CHRNA6: variants seen among roughly 807,000 people sequenced by gnomAD.
CHRNA6 encodes the protein cholinergic receptor nicotinic alpha 6 subunit, also known as neuronal acetylcholine receptor subunit alpha-6.
Under a neutral mutation model 40.9 loss-of-function variants are expected in CHRNA6, and 31 were observed. The ratio of observed to expected loss-of-function variants is 0.76; its 90% CI spans 0.57 to 1.02. The LOEUF (loss-of-function observed/expected upper bound fraction) is 1.02. Ranked by LOEUF, CHRNA6 falls within the 50% of genes least tolerant of loss-of-function variation. The probability of loss-of-function intolerance (pLI) is 0.00; values close to 1 mark genes in which losing one functional copy is unlikely to be tolerated. For synonymous variants in CHRNA6, 222 were observed against 221.3 expected (o/e 1.00, Z -0.03); for missense variants, 546 against 596.6 (o/e 0.92, Z 0.88).
chr8:42,765,328 A>G (rs771370935), intron 1 of CHRNA6, 124 bp from the exon 2 acceptor site: 30 of 1,030,078 alleles, frequency 2.9e-5, no homozygotes, highest in Non-Finnish European at 4.3e-5. Flanking sequence ...GCATCCTGGT[A>G]TTGTTACCAC....
Position 42,768,768 on chromosome 8 carries a change from G to C in CHRNA6, c.-338C>G, listed in dbSNP as rs1034405693. The C allele has an allele frequency of 1.9e-5, 4 of 211,978 alleles. No homozygotes were observed. Among genetic ancestry groups the C allele is most frequent in the Admixed American group, 5.4e-5 (1 of 18,616 alleles). The allele number at this position is 211,978 out of a possible 1,614,324, so 13.1% of individuals were successfully genotyped here. ...GGACCCCGGGAGGATGAACACCTGTGAGTGGCTGAGATCTTTCTGTGGTGC... is the reference window on the plus strand; with the variant it reads ...GGACCCCGGGAGGATGAACACCTGTCAGTGGCTGAGATCTTTCTGTGGTGC... On this transcript the variant is annotated 5_prime_UTR_variant, in exon 1 of 6. Coordinates refer to ENST00000276410, the MANE Select transcript of CHRNA6 (RefSeq NM_004198.3).
At chr8:42,757,143 G>T in intron 3 of CHRNA6, 106 bp from the exon 4 acceptor site, 1 of 749,428 alleles carries the variant, frequency 1.3e-6, no homozygotes, top group Non-Finnish European at 2.2e-6. Context: ...AGGCAGGCAG[G>T]TCACTTGAGG....
At chr8:42,761,168 C>G (rs1457120162) in intron 2 of CHRNA6, among the ~76,000 whole-genome samples, 1 of 152,170 alleles carries the variant, frequency 6.6e-6, no homozygotes, top group Admixed American at 6.5e-5. Flanking sequence ...TTCAAATGGG[C>G]CTGTGACAAG....
Position 42,756,842 on chromosome 8 carries a change from C to T in CHRNA6, c.375-18G>A, listed in dbSNP as rs1282325352. 4 of 1,606,672 alleles carry T rather than the reference C, an allele frequency of 2.5e-6. No homozygotes were observed. In the African/African-American group the frequency reaches 5.4e-5, roughly 22 times the overall value. On this transcript the variant is annotated intron_variant, in intron 4 of 5. Transcript: ENST00000276410. Reference sequence around the variant, plus strand: ...CAACAGCACTGCAAAGCAAGTCAGACACCATTAGTAACACTCCCTTTGCTA... The same window carrying T: ...CAACAGCACTGCAAAGCAAGTCAGATACCATTAGTAACACTCCCTTTGCTA...
chr8:42,753,044 C>T lies in CHRNA6; in HGVS notation c.*135G>A. The T allele has an allele frequency of 2.7e-6, 2 of 748,748 alleles. No homozygotes were observed. Among genetic ancestry groups the T allele is most frequent in the South Asian group, 1.8e-5 (1 of 54,682 alleles). The allele number at this position is 748,748 out of a possible 1,614,324, so 46.4% of individuals were successfully genotyped here. A position where few individuals can be genotyped will look rare whatever the true frequency, so the allele number is the denominator to read the frequency against. On this transcript the variant is annotated 3_prime_UTR_variant, in exon 6 of 6. Coordinates refer to ENST00000276410, the MANE Select transcript of CHRNA6 (RefSeq NM_004198.3). ...CTGCTTCCTAATGTGCAAGAAAGTC[C>T]TCTTTTTCCATGTAGCCATCAGTTT...
Position 42,756,833 on chromosome 8 carries a change from C to A in CHRNA6, c.375-9G>T. The A allele has an allele frequency of 6.2e-7, 1 of 1,606,058 alleles. No individual in the cohort carries two copies. Reference sequence around the variant, plus strand: ...GGAAGTCACCAACAGCACTGCAAAGCAAGTCAGACACCATTAGTAACACTC... The same window carrying A: ...GGAAGTCACCAACAGCACTGCAAAGAAAGTCAGACACCATTAGTAACACTC... On this transcript the variant is annotated splice_polypyrimidine_tract_variant and intron_variant, in intron 4 of 5. Transcript: ENST00000276410.
intron 2 of CHRNA6, among the ~76,000 whole-genome samples, chr8:42,761,964 C>G (rs1816911342): frequency 6.6e-6 from 1 of 152,342 alleles, no homozygotes; most frequent in East Asian, 1.9e-4. Flanking sequence ...GCCAGGCCAG[C>G]ACAAACACTG....
At chr8:42,762,787 C>G (rs1263939781) in intron 2 of CHRNA6, among the ~76,000 whole-genome samples, 2 of 152,164 alleles carry the variant, frequency 1.3e-5, no homozygotes, top group Non-Finnish European at 2.9e-5. Flanking sequence ...AACCCAGTCC[C>G]ACAAGTTTAC....
At chr8:42,761,446 G>A (rs1465554449) in intron 2 of CHRNA6, among the ~76,000 whole-genome samples, 2 of 152,242 alleles carry the variant, frequency 1.3e-5, no homozygotes, top group Non-Finnish European at 2.9e-5. Flanking sequence ...AGGCCTTGGG[G>A]GTGAGGGCAT....
rs1817002624 is a variant in CHRNA6 at position 42,768,507 on chromosome 8, A to G, written c.-77T>C. 2 of 1,091,238 alleles carry G rather than the reference A, an allele frequency of 1.8e-6. No individual in the cohort carries two copies. Among genetic ancestry groups the G allele is most frequent in the African/African-American group, 1.5e-5 (1 of 64,720 alleles). 67.6% of individuals were successfully genotyped at this position (1,091,238 alleles called of 1,614,324 possible). Reference sequence around the variant, plus strand: ...AAAGAGCTATCAGTCAGCCACATGCATCCAACCTTGACATCATCAGAAGCC... The same window carrying G: ...AAAGAGCTATCAGTCAGCCACATGCGTCCAACCTTGACATCATCAGAAGCC... On this transcript the variant is annotated 5_prime_UTR_variant, in exon 1 of 6. The change abolishes an upstream ATG in the 5' untranslated region. Coordinates refer to ENST00000276410, the MANE Select transcript of CHRNA6 (RefSeq NM_004198.3).
Position 42,765,157 on chromosome 8 carries a change from A to ATCAC in CHRNA6, c.126_127insGTGA (p.Ser43ValfsTer23). 6.2e-7 allele frequency: 1 copy of ATCAC among 1,614,070 alleles called. No individual in the cohort carries two copies. The highest frequency in any genetic ancestry group is 2.2e-5 in the East Asian group (1 of 44,884). On this transcript the variant is annotated frameshift_variant, in exon 2 of 6. Coordinates refer to ENST00000276410, the MANE Select transcript of CHRNA6 (RefSeq NM_004198.3). LOFTEE classifies it high-confidence loss of function. Reference sequence around the variant, plus strand: ...GGCCTGATGAACTGGTTGTAATGAGAAAACAGTTTGTGGAAGAGCCTCTCC... The same window carrying ATCAC: ...GGCCTGATGAACTGGTTGTAATGAGATCACAAACAGTTTGTGGAAGAGCCTCTCC...
intron 3 of CHRNA6, 76 bp downstream of exon 3, chr8:42,758,993 G>A (rs951478573): frequency 7.3e-6 from 8 of 1,089,760 alleles, no homozygotes; most frequent in African/African-American, 1.5e-5. Flanking sequence ...ATAACCAGTT[G>A]GAGATGGAAC....
At chr8:42,763,575 T>A (rs1029939818) in intron 2 of CHRNA6, among the ~76,000 whole-genome samples, 1 of 152,082 alleles carries the variant, frequency 6.6e-6, no homozygotes, top group African/African-American at 2.4e-5. Flanking sequence ...CCTCACAGAC[T>A]TCAGAGGAAA....
chr8:42,756,074 G>T lies in CHRNA6; in HGVS notation c.1125C>A (p.Ala375=). ...CAAGCTTGCCTTTGGCAGGCCTCCT[G>T]GCAAGGCCTCTGGGCACTGCATCAG... ...TGSDAVPRGL[A]RRPAKGKLAS... Residue 375 remains alanine, a synonymous_variant, in exon 5 of 6, where the codon GCC becomes GCA. Coordinates refer to ENST00000276410, the MANE Select transcript of CHRNA6 (RefSeq NM_004198.3). 1 of 1,614,206 alleles carries T rather than the reference G, an allele frequency of 6.2e-7. No homozygotes were observed. The highest frequency in any genetic ancestry group is 2.2e-5 in the East Asian group (1 of 44,884).
chr8:42,756,503 A>T lies in CHRNA6; in HGVS notation c.696T>A (p.Tyr232Ter), dbSNP rs1250400989. 1 of 1,614,076 alleles carries T rather than the reference A, an allele frequency of 6.2e-7. No homozygotes were observed. Among genetic ancestry groups the T allele is most frequent in the Non-Finnish European group, 8.5e-7 (1 of 1,179,938 alleles). The change falls in exon 5 of 6, where the codon TAT (tyrosine) becomes TAA (stop). Residue 232 changes from tyrosine to a stop codon, truncating the protein, a stop_gained. Transcript: ENST00000276410. LOFTEE classifies it high-confidence loss of function. ...TCGGCAATCTTCTAATGTAGAAAGA[A>T]TAGGTTATATCTGTGTATATCTCTT... is the stretch of plus-strand genomic sequence containing the variant. ...CCEEIYTDIT[Y>*]SFYIRRLPMF... is the part of the protein sequence containing the mutation.
intron 2 of CHRNA6, among the ~76,000 whole-genome samples, chr8:42,762,005 C>T (rs115620212): frequency 0.013 from 2,031 of 152,286 alleles, 38 homozygotes; most frequent in African/African-American, 0.046. Context: ...GGCCTTGCTC[C>T]TGTACTGAAA....
chr8:42,762,013 A>G (rs1413458606), intron 2 of CHRNA6, among the ~76,000 whole-genome samples: 1 of 152,196 alleles, frequency 6.6e-6, no homozygotes, highest in African/African-American at 2.4e-5. Flanking sequence ...TCCTGTACTG[A>G]AAGAAACCAG....
rs181221048 is a variant in CHRNA6 at position 42,768,643 on chromosome 8, C to T, written c.-213G>A. ...ACATGAAGGGCGAATAAAAAAGATT[C>T]GATCTGATGTCAGATGAGTCATCAC... On this transcript the variant is annotated 5_prime_UTR_variant, in exon 1 of 6. Transcript: ENST00000276410. The T allele has an allele frequency of 1.9e-5, 9 of 474,668 alleles. No individual in the cohort carries two copies. The East Asian group carries it at 2.8e-4, about 15-fold the overall frequency. The allele number at this position is 474,668 out of a possible 1,614,324, so 29.4% of individuals were successfully genotyped here.
At chr8:42,753,420 G>T (rs7845663) in intron 5 of CHRNA6, 110 bp from the exon 6 acceptor site, 1 of 1,058,974 alleles carries the variant, frequency 9.4e-7, no homozygotes, top group Non-Finnish European at 1.4e-6. Context: ...TCTCCGGCAC[G>T]TTTTAAAGCA....
Sources: allele counts gnomAD v4.1 joint callset (sites outside exome capture counted in the v4.1 genomes callset), GRCh38; gene constraint gnomAD v4.1.1; transcripts MANE v1.5; gene names NCBI Gene and HGNC (gene_info 2026-07-23, HGNC 2026-07-21).